The following COL1A1 variants were observed in gnomAD, a reference collection of about 807,000 sequenced individuals.
The protein encoded by COL1A1 is collagen type I alpha 1 chain.
In COL1A1, 21 loss-of-function variants were observed where a neutral mutation model predicts 195.7. That is an observed-to-expected ratio of 0.11 (90% CI 0.08 to 0.15). The LOEUF is 0.15. COL1A1 is among the 10% of genes least tolerant of loss of function. The pLI is 1.00. For synonymous variants in COL1A1, 749 were observed against 747.3 expected (o/e 1.00, Z -0.04); for missense variants, 1,365 against 2,051.0 (o/e 0.67, Z 6.46).
chr17:50,199,805 G>T lies in COL1A1; in HGVS notation c.246C>A (p.Pro82=), dbSNP rs1907925248. ...DVICDETKNC[P]GAEVPEGECC... is the part of the protein sequence containing the mutation. ...ACTCGCCCTCGGGGACTTCGGCGCCGGGGCAGTTCTTGGTCTCGTCACAGA... is the reference window on the plus strand; with the variant it reads ...ACTCGCCCTCGGGGACTTCGGCGCCTGGGCAGTTCTTGGTCTCGTCACAGA... The change falls in exon 2 of 51, where the codon CCC becomes CCA. Residue 82 remains proline, a synonymous_variant. Coordinates refer to ENST00000225964, the MANE Select transcript of COL1A1 (RefSeq NM_000088.4). The T allele has an allele frequency of 6.2e-7, 1 of 1,613,958 alleles. No individual in the cohort carries two copies. Among genetic ancestry groups the T allele is most frequent in the East Asian group, 2.2e-5 (1 of 44,880 alleles).
rs1409433957 is a variant in COL1A1, at chr17:50,195,899, T to C, written c.1056+24A>G. On this transcript the variant is annotated intron_variant, in intron 16 of 50. Coordinates refer to ENST00000225964, the MANE Select transcript of COL1A1 (RefSeq NM_000088.4). The surrounding 1 kb of genome is among the most constrained non-coding windows in gnomAD (Gnocchi z 4.3). ...ACCCCTTGGCCCATGAGGGTCATGC[T>C]TAGAGGAGAGTGGGGGGTCTCACCT... 4.5e-6 allele frequency: 7 copies of C among 1,567,156 alleles called. No individual in the cohort carries two copies. In the Admixed American group the frequency reaches 5.7e-5, roughly 13 times the overall value.
At position 50,194,132 on chromosome 17, in the gene COL1A1, G is replaced by C; in HGVS notation, c.1666C>G (p.Pro556Ala). 1.2e-6 allele frequency: 2 copies of C among 1,613,752 alleles called. No homozygotes were observed. The highest frequency in any genetic ancestry group is 2.2e-5 in the East Asian group (1 of 44,868). ...SPGPDGKTGP[P>A]GPAGQDGRPG... ...GGTTCAGGGGGAGTGATACTTACAG[G>C]GGGGCCAGTTTTGCCATCAGGACCA... The change falls in exon 24 of 51, where the codon CCT (proline) becomes GCT (alanine). Residue 556 changes from proline to alanine, a missense_variant and splice_region_variant. Around this residue, in one of 5 missense-constraint regions of COL1A1, gnomAD observed 671 missense variants for 1,099.9 expected, o/e 0.61. Transcript: ENST00000225964. The surrounding 1 kb of genome is among the most constrained non-coding windows in gnomAD (Gnocchi z 6.8).
At chr17:50,200,212 T>A in intron 1 of COL1A1, 10 of 467,804 alleles carry the variant, frequency 2.1e-5, no homozygotes, top group East Asian at 1.6e-4. Flanking sequence ...AACTCCAACC[T>A]CAGCCCATTG....
At position 50,189,582 on chromosome 17, in the gene COL1A1, G is replaced by C; in HGVS notation, c.2668-44C>G. 6.2e-7 allele frequency: 1 copy of C among 1,612,994 alleles called. No homozygotes were observed. The highest frequency in any genetic ancestry group is 8.5e-7 in the Non-Finnish European group (1 of 1,179,618). ...GGCTGTCAGACTCCAGGGGGCTCTG[G>C]TGCATCATTGGGTCCTCAGTCAGCC... On this transcript the variant is annotated intron_variant, in intron 38 of 50. Coordinates refer to ENST00000225964, the MANE Select transcript of COL1A1 (RefSeq NM_000088.4). The surrounding 1 kb of genome is among the most constrained non-coding windows in gnomAD (Gnocchi z 5.5).
rs1340556475 is a variant in COL1A1, at chr17:50,189,831, G to C, written c.2613+28C>G. ...ACCGCTGCCTGGGGAGAGGGGAGAG[G>C]CTCAACAGAGAGGCGGGTGATACTC... On this transcript the variant is annotated intron_variant, in intron 37 of 50. Coordinates refer to ENST00000225964, the MANE Select transcript of COL1A1 (RefSeq NM_000088.4). This position sits in a 1 kb window ranked among gnomAD's most constrained non-coding sequence, Gnocchi z 5.5. 1.9e-6 allele frequency: 3 copies of C among 1,612,538 alleles called. No individual in the cohort carries two copies. Among genetic ancestry groups the C allele is most frequent in the South Asian group, 1.1e-5 (1 of 90,884 alleles).
At chr17:50,187,299 G>A (rs373050073) in intron 46 of COL1A1, among the ~76,000 whole-genome samples, 177 bp from the exon 47 acceptor site, 78 of 152,322 alleles carry the variant, frequency 5.1e-4, no homozygotes, top group African/African-American at 1.8e-3. Flanking sequence ...AGGGGAGGAC[G>A]GATTGGGGAG....
chr17:50,191,932 G>GCC (rs766015759), intron 30 of COL1A1, 46 bp from the exon 31 acceptor site: 2 of 1,608,742 alleles, frequency 1.2e-6, no homozygotes, highest in East Asian at 4.5e-5. Context: ...TGGAGATAGG[G>GCC]CCAAGTACGA....
Position 50,187,994 on chromosome 17 carries a change from G to A in COL1A1, c.3262-11C>T. On this transcript the variant is annotated splice_polypyrimidine_tract_variant and intron_variant, in intron 44 of 50. Transcript: ENST00000225964. ...GGGGCCTTGGGGTCCCTAGAAGAGA[G>A]AAAGGGACAAACTGTCAGGCGGAAG... 2 of 1,614,084 alleles carry A rather than the reference G, an allele frequency of 1.2e-6. No individual in the cohort carries two copies. The highest frequency in any genetic ancestry group is 1.7e-6 in the Non-Finnish European group (2 of 1,179,954).
In COL1A1 at chr17:50,190,392, G is replaced by A. The variant is rs1476296129; in HGVS notation, c.2398-12C>T. 2 of 1,612,482 alleles carry A rather than the reference G, an allele frequency of 1.2e-6. No individual in the cohort carries two copies. The highest frequency in any genetic ancestry group is 1.7e-5 in the Admixed American group (1 of 60,010). ...TCACCACGGTCTCCCTAGAAGAAAA[G>A]GAGTCAGATTGGAGAGATGCGCTGA... On this transcript the variant is annotated splice_polypyrimidine_tract_variant and intron_variant, in intron 34 of 50. Transcript: ENST00000225964. The surrounding 1 kb of genome is among the most constrained non-coding windows in gnomAD (Gnocchi z 4.7).
At position 50,190,183 on chromosome 17, in the gene COL1A1, G is replaced by T; in HGVS notation, c.2452-75C>A. On this transcript the variant is annotated intron_variant, in intron 35 of 50. Transcript: ENST00000225964. The surrounding 1 kb of genome is among the most constrained non-coding windows in gnomAD (Gnocchi z 4.7). The stretch of plus-strand genomic sequence containing the variant: ...CACTACCTGGGGGAGGAGCAGTAAT[G>T]GAGGCAGGAAGATGCTTGGGTGGGA... 7.4e-7 allele frequency: 1 copy of T among 1,346,760 alleles called. No individual in the cohort carries two copies. The highest frequency in any genetic ancestry group is 1.1e-6 in the Non-Finnish European group (1 of 937,256). 83.4% of individuals were successfully genotyped at this position (1,346,760 alleles called of 1,614,324 possible). A position where few individuals can be genotyped will look rare whatever the true frequency, so the allele number is the denominator to read the frequency against.
rs1240242988 is a variant in COL1A1 at position 50,188,730 on chromosome 17, T to C, written c.3099+12A>G. 3.7e-6 allele frequency: 6 copies of C among 1,613,978 alleles called. No individual in the cohort carries two copies. On this transcript the variant is annotated intron_variant, in intron 42 of 50. Transcript: ENST00000225964. The surrounding 1 kb of genome is among the most constrained non-coding windows in gnomAD (Gnocchi z 5.6). ...CAGACAAGGCTGTGGTCATGGAGTG[T>C]TGCCATCTTACCTTGGCGCCAGGAG...
Position 50,194,217 on chromosome 17 carries a change from G to T in COL1A1, c.1615-34C>A. 2.5e-6 allele frequency: 4 copies of T among 1,610,442 alleles called. No homozygotes were observed. The highest frequency in any genetic ancestry group is 3.4e-6 in the Non-Finnish European group (4 of 1,177,594). ...GCAGAGAGGTATGAGTGGGACTTGG[G>T]GAGAAGCATGATGGAGGTGGGGGAG... is the stretch of plus-strand genomic sequence containing the variant. On this transcript the variant is annotated intron_variant, in intron 23 of 50. Transcript: ENST00000225964. This position sits in a 1 kb window ranked among gnomAD's most constrained non-coding sequence, Gnocchi z 6.8.
chr17:50,191,741 C>T (rs1907094643), intron 31 of COL1A1, 47 bp downstream of exon 31: 3 of 1,542,668 alleles, frequency 1.9e-6, no homozygotes, highest in South Asian at 1.2e-5. Context: ...AGGGGTGAGA[C>T]CTGGTCCCTG....
chr17:50,190,611 C>G lies in COL1A1; in HGVS notation c.2344-15G>C, dbSNP rs1906994791. 1 of 1,612,774 alleles carries G rather than the reference C, an allele frequency of 6.2e-7. No individual in the cohort carries two copies. The highest frequency in any genetic ancestry group is 1.3e-5 in the African/African-American group (1 of 74,864). ...CCACTTTCACCCTGAGAGCAAGGGA[C>G]AAGAGGCTCAGGGTCAGGGCCTCCC... On this transcript the variant is annotated splice_polypyrimidine_tract_variant and intron_variant, in intron 33 of 50. Coordinates refer to ENST00000225964, the MANE Select transcript of COL1A1 (RefSeq NM_000088.4). This position sits in a 1 kb window ranked among gnomAD's most constrained non-coding sequence, Gnocchi z 4.7.
Position 50,191,904 on chromosome 17 carries a change from G to T in COL1A1, c.2029-18C>A. On this transcript the variant is annotated intron_variant, in intron 30 of 50. Coordinates refer to ENST00000225964, the MANE Select transcript of COL1A1 (RefSeq NM_000088.4). ...CTCTCGCCCTAGAAGGGAAGGACAG[G>T]GCATGTGAAGGCTGCTCTGGAGATA... 5 of 1,604,138 alleles carry T rather than the reference G, an allele frequency of 3.1e-6. No individual in the cohort carries two copies. Among genetic ancestry groups the T allele is most frequent in the Non-Finnish European group, 4.3e-6 (5 of 1,175,148 alleles).
intron 28 of COL1A1, 26 bp downstream of exon 28, chr17:50,192,614 G>A (rs372996596): frequency 5.0e-5 from 81 of 1,614,058 alleles, no homozygotes; most frequent in Non-Finnish European, 6.3e-5. Flanking sequence ...CTACCTCCCA[G>A]CATCCTGACA....
Position 50,185,945 on chromosome 17 carries a change from C to G in COL1A1, c.4081G>C (p.Glu1361Gln), listed in dbSNP as rs141011435. 33 of 1,613,882 alleles carry G rather than the reference C, an allele frequency of 2.0e-5. No individual in the cohort carries two copies. Among genetic ancestry groups the G allele is most frequent in the African/African-American group, 6.7e-5 (5 of 74,872 alleles). Residue 1361 changes from glutamate to glutamine, a missense_variant, in exon 50 of 51, where the codon GAG (glutamate) becomes CAG (glutamine). By Grantham distance (29) the Glu-to-Gln change is conservative. This residue lies in a region of COL1A1 where 273 missense variants were observed against 338.6 expected (regional missense o/e 0.81). Coordinates refer to ENST00000225964, the MANE Select transcript of COL1A1 (RefSeq NM_000088.4). Reference protein sequence around the residue: ...QLTFLRLMSTEASQNITYHCK... With the variant: ...QLTFLRLMSTQASQNITYHCK... ...TGGTAGGTGATGTTCTGGGAGGCCT[C>G]GGTGGACATCAGGCGCAGGAAGGTC...
chr17:50,197,707 G>A, intron 9 of COL1A1, 25 bp downstream of exon 9: 1 of 1,563,242 alleles, frequency 6.4e-7, no homozygotes, highest in Non-Finnish European at 8.6e-7. Context: ...GGGTCAGATG[G>A]TATCTTCTTG....
rs41317365 is a variant in COL1A1 at position 50,194,880 on chromosome 17, C to G, written c.1354-52G>C. On this transcript the variant is annotated intron_variant, in intron 20 of 50. Transcript: ENST00000225964. The surrounding 1 kb of genome is among the most constrained non-coding windows in gnomAD (Gnocchi z 6.8). ...GCCTGTGGTGAGGGGCCATCCTGTG[C>G]CAGCCTCAGAGCCGGCTGAGGCTGG... is the stretch of plus-strand genomic sequence containing the variant. The G allele has an allele frequency of 0.012, 18,720 of 1,555,382 alleles. 157 individuals carry two copies. Among genetic ancestry groups the G allele is most frequent in the Non-Finnish European group, 0.014 (15,928 of 1,138,870 alleles).
Sources: gnomAD v4.1 joint callset for allele counts (sites outside exome capture counted in the v4.1 genomes callset) on GRCh38, gnomAD v4.1.1 for gene constraint, gnomAD v4.1.1 regional missense constraint, Gnocchi (gnomAD v3.1) non-coding constraint, MANE v1.5 for transcripts, NCBI Gene and HGNC (gene_info 2026-07-23, HGNC 2026-07-21) for gene names.